The following GPC6 variants were observed in gnomAD, a reference collection of about 807,000 sequenced individuals.
The protein encoded by GPC6 is glypican 6.
Under a neutral mutation model 55.2 loss-of-function variants are expected in GPC6, and 14 were observed. That is an observed-to-expected ratio of 0.25 (90% CI 0.17 to 0.40). GPC6 has a LOEUF of 0.40. Among genes scored for constraint, GPC6 ranks in the 10% least tolerant of loss-of-function variants. The pLI, the probability that GPC6 is intolerant of heterozygous loss-of-function variation, is 1.00. For synonymous variants in GPC6, 278 were observed against 259.6 expected, an observed-to-expected ratio of 1.07 and a Z score of -0.68; for missense variants, 641 against 708.5, an observed-to-expected ratio of 0.90 and a Z score of 1.08.
At chr13:93,743,540 C>G (rs2138852516) in intron 2 of GPC6, among the ~76,000 whole-genome samples, 1 of 151,454 alleles carries the variant, frequency 6.6e-6, no homozygotes, top group Admixed American at 6.6e-5. Flanking sequence ...TTCCAATTTT[C>G]TTTGTTTATA....
rs1054171218 is a variant in GPC6, at chr13:94,028,086, G to A, written c.877+192G>A. ...TTGAGGCCAGCCTGGACAACATAGT[G>A]AGATTCCCATCTTTACAAAAAATAA... On this transcript the variant is annotated intron_variant, in intron 4 of 8. Transcript: ENST00000377047. 3.3e-5 allele frequency among the ~76,000 whole-genome samples: 5 copies of A among 152,062 alleles called. No homozygotes were observed. In the South Asian group the frequency reaches 1.0e-3, roughly 32 times the overall value.
chr13:93,651,920 T>A (rs560459494), intron 2 of GPC6, among the ~76,000 whole-genome samples: 1 of 152,184 alleles, frequency 6.6e-6, no homozygotes, highest in Non-Finnish European at 1.5e-5. Flanking sequence ...TACATCGGTA[T>A]CCATTAAATG....
chr13:93,469,099 C>T (rs1018956379), intron 1 of GPC6, among the ~76,000 whole-genome samples: 7 of 151,836 alleles, frequency 4.6e-5, no homozygotes, highest in Non-Finnish European at 1.0e-4. Context: ...TTACCTAAGA[C>T]CTTAACAAAA....
intron 2 of GPC6, among the ~76,000 whole-genome samples, chr13:93,641,307 C>T (rs1879926431): frequency 6.6e-6 from 1 of 152,020 alleles, no homozygotes; most frequent in Middle Eastern, 3.4e-3. Context: ...ATGGCAAGGG[C>T]AGTGATAGGA....
intron 1 of GPC6, among the ~76,000 whole-genome samples, chr13:93,284,240 G>A (rs995157024): frequency 2.6e-5 from 4 of 152,116 alleles, no homozygotes; most frequent in African/African-American, 4.8e-5. Context: ...ATCCCTTAGG[G>A]CACGGCAGCA....
chr13:94,091,380 ATT>A (rs1885474724), intron 4 of GPC6, among the ~76,000 whole-genome samples: 1 of 152,114 alleles, frequency 6.6e-6, no homozygotes, highest in Non-Finnish European at 1.5e-5. Flanking sequence ...TGATCTTGTT[ATT>A]TCTCTTCTTA....
chr13:93,681,037 G>T (rs376402936), intron 2 of GPC6, among the ~76,000 whole-genome samples: 2 of 152,052 alleles, frequency 1.3e-5, no homozygotes, highest in African/African-American at 4.8e-5. Context: ...TTAGACAGAG[G>T]ATATGGCTGT....
chr13:93,710,272 A>G (rs1028218730), intron 2 of GPC6, among the ~76,000 whole-genome samples: 3 of 151,886 alleles, frequency 2.0e-5, no homozygotes, highest in East Asian at 1.9e-4. Context: ...AGTGAACTCC[A>G]CAGAGGATTA....
intron 1 of GPC6, among the ~76,000 whole-genome samples, chr13:93,514,834 G>A (rs1222259493): frequency 1.3e-5 from 2 of 152,152 alleles, no homozygotes; most frequent in Non-Finnish European, 2.9e-5. Flanking sequence ...TGGACGTAGA[G>A]TCGTCGTGAG....
chr13:93,246,659 G>A (rs1217342757), intron 1 of GPC6, among the ~76,000 whole-genome samples: 7 of 151,710 alleles, frequency 4.6e-5, no homozygotes, highest in East Asian at 1.9e-4. Flanking sequence ...TTAGCCGGAT[G>A]TGGTGGTGGG....
At chr13:93,781,721 G>A (rs1234071351) in intron 2 of GPC6, among the ~76,000 whole-genome samples, 2 of 151,852 alleles carry the variant, frequency 1.3e-5, no homozygotes, top group African/African-American at 2.4e-5. Context: ...CAAAAGTCAG[G>A]GCTAATAGAT....
intron 2 of GPC6, among the ~76,000 whole-genome samples, chr13:93,780,630 C>A (rs372705132): frequency 2.8e-5 from 4 of 141,902 alleles, no homozygotes; most frequent in East Asian, 4.2e-4. Flanking sequence ...CACACACACA[C>A]AAAATAAAAT....
At chr13:93,829,010 G>A (rs1322591121) in intron 2 of GPC6, among the ~76,000 whole-genome samples, 1 of 152,134 alleles carries the variant, frequency 6.6e-6, no homozygotes, top group African/African-American at 2.4e-5. Flanking sequence ...AAGGAGAAGA[G>A]TCCTTTTAAA....
chr13:93,874,564 G>A (rs1176982525), intron 3 of GPC6, among the ~76,000 whole-genome samples: 1 of 149,720 alleles, frequency 6.7e-6, no homozygotes, highest in African/African-American at 2.5e-5. Context: ...ATTGCAAATA[G>A]AAAGGGATCC....
At chr13:93,346,989 A>ATG in intron 1 of GPC6, among the ~76,000 whole-genome samples, 1 of 152,198 alleles carries the variant, frequency 6.6e-6, no homozygotes, top group Non-Finnish European at 1.5e-5. Context: ...GATAAATCAA[A>ATG]ACTAATTTCT....
intron 1 of GPC6, among the ~76,000 whole-genome samples, chr13:93,247,621 G>T (rs9561291): frequency 6.6e-6 from 1 of 151,970 alleles, no homozygotes; most frequent in Non-Finnish European, 1.5e-5. Context: ...TTATATGACC[G>T]CAATAAAGAA....
intron 3 of GPC6, among the ~76,000 whole-genome samples, chr13:93,905,583 T>C (rs9556336): frequency 0.24 from 36,586 of 152,126 alleles, 4,944 homozygotes; most frequent in East Asian, 0.34. Flanking sequence ...CTGCATAAAG[T>C]ATTTGGCTGA....
chr13:94,209,134 A>C (rs1313678767), intron 4 of GPC6, among the ~76,000 whole-genome samples: 1 of 152,156 alleles, frequency 6.6e-6, no homozygotes, highest in Non-Finnish European at 1.5e-5. Context: ...CAAATATCCC[A>C]AGATAAATGA....
intron 4 of GPC6, among the ~76,000 whole-genome samples, chr13:94,255,942 T>C (rs891773932): frequency 6.6e-6 from 1 of 152,150 alleles, no homozygotes; most frequent in African/African-American, 2.4e-5. Flanking sequence ...CCCACATTGC[T>C]TGAGAATCTA....
Sources: gnomAD v4.1 joint callset for allele counts (sites outside exome capture counted in the v4.1 genomes callset) on GRCh38, gnomAD v4.1.1 for gene constraint, MANE v1.5 for transcripts, NCBI Gene and HGNC (gene_info 2026-07-23, HGNC 2026-07-21) for gene names.